The following RYR3 variants were observed in gnomAD, a reference collection of about 807,000 sequenced individuals.
The protein encoded by RYR3 is brain ryanodine receptor-calcium release channel.
RYR3 carries 207 observed loss-of-function variants against 584.3 expected under a neutral mutation model. That is an observed-to-expected ratio of 0.35 (90% CI 0.32 to 0.40). The LOEUF is 0.40. RYR3 is among the 10% of genes least tolerant of loss of function. The probability of loss-of-function intolerance (pLI) is 1.00; values close to 1 mark genes in which losing one functional copy is unlikely to be tolerated. For missense variants in RYR3, 5,616 were observed against 6,089.2 expected (o/e 0.92, Z 2.59); for synonymous variants, 2,416 against 2,248.5 (o/e 1.07, Z -2.11).
rs758929295 is a variant in RYR3, at chr15:33,800,748, G to GT, written c.9831-19dup. ...AATCTCTACTGAATTTCAAATGCCT[G>GT]TTTATTTACTTTTGGACCCAGATCT... is the stretch of plus-strand genomic sequence containing the variant. On this transcript the variant is annotated intron_variant, in intron 67 of 103. Coordinates refer to ENST00000634891, the MANE Select transcript of RYR3 (RefSeq NM_001036.6). 12 of 1,577,038 alleles carry GT rather than the reference G, an allele frequency of 7.6e-6. No homozygotes were observed. The South Asian group carries it at 1.3e-4, about 17-fold the overall frequency.
rs970341542 is a variant in RYR3, at chr15:33,311,016, G to A, written c.-30G>A. On this transcript the variant is annotated 5_prime_UTR_variant, in exon 1 of 104. Transcript: ENST00000634891. This position sits in a 1 kb window ranked among gnomAD's most constrained non-coding sequence, Gnocchi z 4.4. The stretch of plus-strand genomic sequence containing the variant: ...TGCCGGGGGAAGCAGAGGCGCCGGA[G>A]GCTGGGGCACCGCCGACGCCTCGGG... 41 of 1,563,450 alleles carry A rather than the reference G, an allele frequency of 2.6e-5. No homozygotes were observed. The highest frequency in any genetic ancestry group is 4.2e-5 in the African/African-American group (3 of 71,726).
chr15:33,389,010 C>T (rs1227013650), intron 1 of RYR3, among the ~76,000 whole-genome samples: 1 of 138,676 alleles, frequency 7.2e-6, no homozygotes, highest in Non-Finnish European at 1.5e-5. Flanking sequence ...CCAAACACCG[C>T]ATGTTTAATT....
At chr15:33,338,056 T>C (rs1314765704) in intron 1 of RYR3, among the ~76,000 whole-genome samples, 1 of 151,168 alleles carries the variant, frequency 6.6e-6, no homozygotes, top group Non-Finnish European at 1.5e-5. Flanking sequence ...GCCATTCTCT[T>C]GCCTCAGCCT....
At chr15:33,434,166 C>T (rs2045454295) in intron 1 of RYR3, among the ~76,000 whole-genome samples, 1 of 152,190 alleles carries the variant, frequency 6.6e-6, no homozygotes, top group African/African-American at 2.4e-5. Context: ...AGGTCTCTTT[C>T]CTAAGTTGTG....
chr15:33,861,722 A>G (rs965890801), intron 102 of RYR3, among the ~76,000 whole-genome samples: 7 of 152,124 alleles, frequency 4.6e-5, no homozygotes, highest in African/African-American at 1.7e-4. Context: ...TTCTGTGTTC[A>G]GTTTTCAGGC....
intron 27 of RYR3, among the ~76,000 whole-genome samples, chr15:33,643,660 C>T (rs1237764343): frequency 6.6e-6 from 1 of 152,126 alleles, no homozygotes; most frequent in Non-Finnish European, 1.5e-5. Context: ...ACTCTCGAAA[C>T]GTGAAGGACC....
chr15:33,682,300 A>G (rs1036293998), intron 38 of RYR3, among the ~76,000 whole-genome samples: 3 of 151,926 alleles, frequency 2.0e-5, no homozygotes, highest in African/African-American at 4.8e-5. Context: ...AGACCCTCTA[A>G]CTCTTTGTTA....
rs755897292 is a variant in RYR3, at chr15:33,670,429, G to A, written c.5733G>A (p.Leu1911=). Residue 1911 remains leucine (L), a synonymous_variant, in exon 38 of 104, where the codon TTG becomes TTA. Coordinates refer to ENST00000634891, the MANE Select transcript of RYR3 (RefSeq NM_001036.6). ...EDLLLHCGVP[L]EEEEEEEEDT... The stretch of plus-strand genomic sequence containing the variant: ...TCTGTGGCTTGCTAGGGGTTCCTTT[G>A]GAAGAAGAGGAAGAGGAGGAGGAGG... 6.2e-7 allele frequency: 1 copy of A among 1,613,420 alleles called. No homozygotes were observed. The highest frequency in any genetic ancestry group is 1.1e-5 in the South Asian group (1 of 90,996).
At chr15:33,828,793 C>T (rs560565113) in intron 85 of RYR3, among the ~76,000 whole-genome samples, 2 of 152,346 alleles carry the variant, frequency 1.3e-5, no homozygotes, top group African/African-American at 4.8e-5. Flanking sequence ...ATAGAAGCTG[C>T]AGCAAGTTAC....
intron 43 of RYR3, among the ~76,000 whole-genome samples, chr15:33,715,387 A>G (rs1227296729): frequency 6.6e-6 from 1 of 152,232 alleles, no homozygotes; most frequent in Non-Finnish European, 1.5e-5. Context: ...ACCAATGGCA[A>G]AAGATTTAAA....
intron 7 of RYR3, 63 bp downstream of exon 7, chr15:33,540,953 A>T (rs1459457420): frequency 9.5e-7 from 1 of 1,056,000 alleles, no homozygotes; most frequent in Non-Finnish European, 1.5e-6. Flanking sequence ...GTATACATTG[A>T]CATTTTCTGC....
Position 33,663,549 on chromosome 15 carries a change from C to T in RYR3, c.5431C>T (p.Leu1811Phe). 1 of 1,613,698 alleles carries T rather than the reference C, an allele frequency of 6.2e-7. No individual in the cohort carries two copies. The highest frequency in any genetic ancestry group is 8.5e-7 in the Non-Finnish European group (1 of 1,179,794). The change falls in exon 36 of 104, where the codon CTC becomes TTC. Residue 1811 changes from leucine (L) to phenylalanine (F), a missense_variant. Physicochemically the swap from Leu to Phe is conservative, Grantham distance 22 (BLOSUM62 0). Coordinates refer to ENST00000634891, the MANE Select transcript of RYR3 (RefSeq NM_001036.6). Reference protein sequence around the residue: ...ESVKLQMCELLSYLCDCELQH... With the variant: ...ESVKLQMCELFSYLCDCELQH... ...ACTTTCATTGCAGATGTGTGAGCTC[C>T]TCAGCTATCTCTGCGACTGTGAGCT...
rs530008645 is a variant in RYR3 at position 33,863,525 on chromosome 15, C to A, written c.14466-613C>A. Among the ~76,000 whole-genome samples the A allele has an allele frequency of 5.9e-5, 9 of 152,288 alleles. No individual in the cohort carries two copies. The East Asian group carries it at 1.4e-3, about 23-fold the overall frequency. ...TTCCTTTGGAAACGGTCTCTGAGAT[C>A]ATATAATGTGAGCTGAGAGTTCAGC... On this transcript the variant is annotated intron_variant, in intron 102 of 103. Transcript: ENST00000634891.
Position 33,613,310 on chromosome 15 carries a change from G to T in RYR3, c.2292G>T (p.Gly764=). The T allele has an allele frequency of 6.2e-7, 1 of 1,613,986 alleles. No homozygotes were observed. Residue 764 remains glycine (G), a synonymous_variant, in exon 19 of 104, where the codon GGG becomes GGT. Coordinates refer to ENST00000634891, the MANE Select transcript of RYR3 (RefSeq NM_001036.6). The stretch of plus-strand genomic sequence containing the variant: ...GCATCAATGGGCAGCCCGTGCAGGG[G>T]ATGTTTGAGAACTTCAACACAGACG... The part of the protein sequence containing the change: ...SFRINGQPVQ[G]MFENFNTDGL...
chr15:33,640,376 A>G (rs1331183810), intron 27 of RYR3, among the ~76,000 whole-genome samples: 1 of 152,146 alleles, frequency 6.6e-6, no homozygotes, highest in Non-Finnish European at 1.5e-5. Flanking sequence ...TGTCTTTGAA[A>G]GGCTTACCAG....
intron 3 of RYR3, among the ~76,000 whole-genome samples, chr15:33,506,167 T>C (rs2052469318): frequency 6.6e-6 from 1 of 152,186 alleles, no homozygotes; most frequent in South Asian, 2.1e-4. Context: ...TAAGTAATCA[T>C]TCATGTTCCA....
Position 33,857,374 on chromosome 15 carries a change from C to G in RYR3, c.14008-406C>G, listed in dbSNP as rs114761041. Among the ~76,000 whole-genome samples, 657 of 151,826 alleles carry G rather than the reference C, an allele frequency of 4.3e-3. 5 individuals are homozygous for G. The highest frequency in any genetic ancestry group is 0.015 in the African/African-American group (598 of 41,198). Reference sequence around the variant, plus strand: ...AGCCTCTCTCTCTGTGTCTCCAACTCCTTTTCTTCTAAGGATGCCGGTGAG... The same window carrying G: ...AGCCTCTCTCTCTGTGTCTCCAACTGCTTTTCTTCTAAGGATGCCGGTGAG... On this transcript the variant is annotated intron_variant, in intron 98 of 103. Coordinates refer to ENST00000634891, the MANE Select transcript of RYR3 (RefSeq NM_001036.6).
At chr15:33,623,666 G>T in intron 19 of RYR3, 141 bp from the exon 20 acceptor site, 1 of 631,974 alleles carries the variant, frequency 1.6e-6, no homozygotes, top group South Asian at 2.0e-5. Context: ...GATGATGTTT[G>T]CTGTGGTTAA....
At chr15:33,506,072 T>C (rs1417983803) in intron 3 of RYR3, among the ~76,000 whole-genome samples, 1 of 152,212 alleles carries the variant, frequency 6.6e-6, no homozygotes, top group Non-Finnish European at 1.5e-5. Flanking sequence ...CAGAGTCCTA[T>C]AGATGAGAAA....
Sources: allele counts gnomAD v4.1 joint callset (sites outside exome capture counted in the v4.1 genomes callset), GRCh38; gene constraint gnomAD v4.1.1; non-coding constraint Gnocchi (gnomAD v3.1); transcripts MANE v1.5; gene names NCBI Gene and HGNC (gene_info 2026-07-23, HGNC 2026-07-21).